The following PADI3 variants were observed in gnomAD, a reference collection of about 807,000 sequenced individuals.
PADI3 encodes peptidyl arginine deiminase 3, also known as protein-arginine deiminase type-3.
In PADI3, 53 loss-of-function variants were observed where a neutral mutation model predicts 71.5. The observed-to-expected ratio is 0.74, with a 90% CI of 0.59 to 0.93. The LOEUF is 0.93. PADI3 is among the 40% of genes least tolerant of loss of function. The pLI, the probability that PADI3 is intolerant of heterozygous loss-of-function variation, is 0.00. For synonymous variants in PADI3, 361 were observed against 347.5 expected (o/e 1.04, Z -0.43); for missense variants, 821 against 868.0 (o/e 0.95, Z 0.68).
intron 6 of PADI3, among the ~76,000 whole-genome samples, chr1:17,268,799 G>A (rs12035084): frequency 0.11 from 16,544 of 151,696 alleles, 919 homozygotes; most frequent in South Asian, 0.18. Context: ...GAGCCACCGT[G>A]CCTGGCCGCT....
At chr1:17,279,206 T>G (rs180725313) in intron 13 of PADI3, among the ~76,000 whole-genome samples, 2 of 152,214 alleles carry the variant, frequency 1.3e-5, no homozygotes, top group African/African-American at 4.8e-5. Context: ...GGGCTGACAC[T>G]CAGGCAGTGA....
At chr1:17,257,282 TG>T (rs888779842) in intron 1 of PADI3, among the ~76,000 whole-genome samples, 3 of 152,194 alleles carry the variant, frequency 2.0e-5, no homozygotes, top group South Asian at 2.1e-4. Context: ...ATTTCCCCTG[TG>T]GGGGGCTGCC....
Position 17,283,006 on chromosome 1 carries a change from A to C in PADI3, c.1922A>C (p.His641Pro). The C allele has an allele frequency of 6.2e-7, 1 of 1,614,236 alleles. No individual in the cohort carries two copies. The highest frequency in any genetic ancestry group is 1.1e-5 in the South Asian group (1 of 91,088). Reference sequence around the variant, plus strand: ...GACTTCACTCCATACCACATGCTGCATGGGGAGGTGCACTGTGGCACCAAT... The same window carrying C: ...GACTTCACTCCATACCACATGCTGCCTGGGGAGGTGCACTGTGGCACCAAT... ...IDDFTPYHML[H>P]GEVHCGTNVC... is the part of the protein sequence containing the mutation. Residue 641 changes from histidine (H) to proline (P), a missense_variant, in exon 16 of 16, where the codon CAT (histidine) becomes CCT (proline). His to Pro is a moderately conservative substitution (Grantham distance 77, BLOSUM62 -2). Coordinates refer to ENST00000375460, the MANE Select transcript of PADI3 (RefSeq NM_016233.2).
Position 17,282,866 on chromosome 1 carries a change from G to A in PADI3, c.1782G>A (p.Gly594=). 3.7e-6 allele frequency: 6 copies of A among 1,612,778 alleles called. No homozygotes were observed. The highest frequency in any genetic ancestry group is 5.1e-6 in the Non-Finnish European group (6 of 1,179,412). ...TGCAGGTGAACATGCTGGTGCTGGG[G>A]AAGCACCTGGGCATCCCCAAGCCCT... The part of the protein sequence containing the change: ...FPDLVNMLVL[G]KHLGIPKPFG... The change falls in exon 16 of 16, where the codon GGG becomes GGA. Residue 594 remains glycine, a synonymous_variant. Coordinates refer to ENST00000375460, the MANE Select transcript of PADI3 (RefSeq NM_016233.2).
At chr1:17,264,071 G>T (rs756005856) in intron 3 of PADI3, among the ~76,000 whole-genome samples, 3 of 152,174 alleles carry the variant, frequency 2.0e-5, no homozygotes, top group Non-Finnish European at 4.4e-5. Flanking sequence ...TTGCCAAACT[G>T]CTCTCCAAAA....
chr1:17,266,420 A>G (rs539600890), intron 4 of PADI3, among the ~76,000 whole-genome samples: 1 of 152,270 alleles, frequency 6.6e-6, no homozygotes, highest in Non-Finnish European at 1.5e-5. Context: ...AGGAGGGTTT[A>G]ATGGAGGAAT....
At chr1:17,251,626 G>C (rs2072967258) in intron 1 of PADI3, among the ~76,000 whole-genome samples, 1 of 152,202 alleles carries the variant, frequency 6.6e-6, no homozygotes, top group South Asian at 2.1e-4. Context: ...TAAACAACTT[G>C]TCCAAGGTCA....
intron 13 of PADI3, among the ~76,000 whole-genome samples, chr1:17,280,039 T>TC (rs2073382007): frequency 6.6e-6 from 1 of 152,358 alleles, no homozygotes; most frequent in South Asian, 2.1e-4. Context: ...AGAGGATTCC[T>TC]CATCCAGTGC....
Position 17,270,288 on chromosome 1 carries a change from C to G in PADI3, c.708C>G (p.Ser236=). The change falls in exon 7 of 16, where the codon TCC becomes TCG. Residue 236 remains serine, a synonymous_variant. Coordinates refer to ENST00000375460, the MANE Select transcript of PADI3 (RefSeq NM_016233.2). ...ATGTGCTGGGCCAAGATAAGGTGTC[C>G]TATGAGGTACCCCGCTTGCATGGGG... ...YRHVLGQDKV[S]YEVPRLHGDE... 6.2e-7 allele frequency: 1 copy of G among 1,613,962 alleles called. No individual in the cohort carries two copies. The highest frequency in any genetic ancestry group is 1.1e-5 in the South Asian group (1 of 91,068).
intron 10 of PADI3, 56 bp downstream of exon 10, chr1:17,273,503 G>A (rs868270314): frequency 4.3e-6 from 5 of 1,166,336 alleles, no homozygotes; most frequent in Middle Eastern, 2.0e-4. Context: ...TACCCCAGGG[G>A]CCACACCGGG....
chr1:17,276,607 T>C lies in PADI3; in HGVS notation c.1396T>C (p.Leu466=). The change falls in exon 12 of 16, where the codon TTG becomes CTG. Residue 466 remains leucine, a synonymous_variant. Transcript: ENST00000375460. Reference sequence around the variant, plus strand: ...CCCCGTGGAGCTCTTTGTGGACTGGTTGGCCGTGGGCCATGTGGATGAGTT... The same window carrying C: ...CCCCGTGGAGCTCTTTGTGGACTGGCTGGCCGTGGGCCATGTGGATGAGTT... ...QPPVELFVDW[L]AVGHVDEFLS... 6.2e-7 allele frequency: 1 copy of C among 1,614,174 alleles called. No homozygotes were observed.
rs1203407375 is a variant in PADI3, at chr1:17,249,336, G to C, written c.92+107G>C. 1.9e-5 allele frequency: 17 copies of C among 906,898 alleles called. No individual in the cohort carries two copies. The Admixed American group carries it at 3.0e-4, about 16-fold the overall frequency. The allele number at this position is 906,898 out of a possible 1,614,324, so 56.2% of individuals were successfully genotyped here. On this transcript the variant is annotated intron_variant, in intron 1 of 15. Transcript: ENST00000375460. ...TCTTCAGGGCCCACTCCCCAGCCTT[G>C]GCCTCGGAACAGCAGCCAATCAGGG...
At chr1:17,277,475 G>A (rs1055057691) in intron 13 of PADI3, among the ~76,000 whole-genome samples, 6 of 152,186 alleles carry the variant, frequency 3.9e-5, no homozygotes, top group Admixed American at 1.3e-4. Context: ...GATTACAGGC[G>A]TGAGCCACCA....
At chr1:17,269,263 T>C (rs569452928) in intron 6 of PADI3, among the ~76,000 whole-genome samples, 35 of 152,230 alleles carry the variant, frequency 2.3e-4, no homozygotes, top group Non-Finnish European at 4.9e-4. Context: ...CGTGTGTCCA[T>C]ATGCTGCTTT....
chr1:17,259,772 TGGTGG>T lies in PADI3; in HGVS notation c.273+22_273+26del. ...AACGACAGCCATGTGAGCTGGTCCC[TGGTGG>T]GGTGGGGAGAGGTTTCGAGGGAGGC... On this transcript the variant is annotated intron_variant, in intron 2 of 15. Transcript: ENST00000375460. 1 of 1,585,766 alleles carries T rather than the reference TGGTGG, an allele frequency of 6.3e-7. No individual in the cohort carries two copies. Among genetic ancestry groups the T allele is most frequent in the Non-Finnish European group, 8.6e-7 (1 of 1,161,276 alleles).
In PADI3 at chr1:17,271,116, A is replaced by C. The variant is rs748115863; in HGVS notation, c.985A>C (p.Lys329Gln). The change falls in exon 9 of 16, where the codon AAG becomes CAG. Residue 329 changes from lysine to glutamine, a missense_variant. Lys to Gln is a moderately conservative substitution (Grantham distance 53). Coordinates refer to ENST00000375460, the MANE Select transcript of PADI3 (RefSeq NM_016233.2). Reference protein sequence around the residue: ...FVDAVAELARKAGCKLTICPQ... With the variant: ...FVDAVAELARQAGCKLTICPQ... ...GGATGCGGTGGCAGAGCTGGCCAGG[A>C]AGGCCGGCTGCAAGCTGACCATCTG... is the stretch of plus-strand genomic sequence containing the variant. 9.3e-6 allele frequency: 15 copies of C among 1,613,816 alleles called. No homozygotes were observed. Among genetic ancestry groups the C allele is most frequent in the Admixed American group, 1.7e-5 (1 of 60,000 alleles).
chr1:17,253,884 C>T (rs972872371), intron 1 of PADI3, among the ~76,000 whole-genome samples: 2 of 152,100 alleles, frequency 1.3e-5, no homozygotes, highest in African/African-American at 4.8e-5. Flanking sequence ...CCATATGGAC[C>T]CTGAAGGGGT....
At chr1:17,269,517 T>C (rs1193368946) in intron 6 of PADI3, among the ~76,000 whole-genome samples, 1 of 152,238 alleles carries the variant, frequency 6.6e-6, no homozygotes, top group Non-Finnish European at 1.5e-5. Context: ...AGTTGCACAG[T>C]AAATATTTGA....
At position 17,276,188 on chromosome 1, in the gene PADI3, T is replaced by C. The variant is rs1180386619; in HGVS notation, c.1308-331T>C. 2.6e-5 allele frequency among the ~76,000 whole-genome samples: 4 copies of C among 151,956 alleles called. No homozygotes were observed. In the East Asian group the frequency reaches 7.8e-4, roughly 29 times the overall value. On this transcript the variant is annotated intron_variant, in intron 11 of 15. Transcript: ENST00000375460. ...CATCTCTAGTAAAAATACAGAAAAA[T>C]TAGCCTGGCCTGGTGGTGCACGCCT... is the stretch of plus-strand genomic sequence containing the variant.
Sources: allele counts gnomAD v4.1 joint callset (sites outside exome capture counted in the v4.1 genomes callset), GRCh38; gene constraint gnomAD v4.1.1; transcripts MANE v1.5; gene names NCBI Gene and HGNC (gene_info 2026-07-23, HGNC 2026-07-21).